Variants in MYRIP observed in about 807,000 individuals in gnomAD.
MYRIP encodes the protein rab effector MyRIP.
MYRIP carries 49 observed loss-of-function variants against 98.0 expected under a neutral mutation model. That is an observed-to-expected ratio of 0.50 (90% CI 0.40 to 0.63). The LOEUF (loss-of-function observed/expected upper bound fraction) is 0.63, where lower values mean the gene tolerates loss of function less well. Among genes scored for constraint, MYRIP ranks in the 30% least tolerant of loss-of-function variants. The pLI, the probability that MYRIP is intolerant of heterozygous loss-of-function variation, is 0.00. For missense variants in MYRIP, 1,004 were observed against 1,058.2 expected, an observed-to-expected ratio of 0.95 and a Z score of 0.71; for synonymous variants, 404 against 409.5, an observed-to-expected ratio of 0.99 and a Z score of 0.16.
chr3:39,925,988 C>A (rs1944415479), intron 2 of MYRIP, among the ~76,000 whole-genome samples: 2 of 152,106 alleles, frequency 1.3e-5, no homozygotes, highest in Non-Finnish European at 2.9e-5. Flanking sequence ...ACCTCACCAA[C>A]ACCTGTTATT....
intron 3 of MYRIP, among the ~76,000 whole-genome samples, chr3:40,074,908 T>C (rs1948311553): frequency 6.6e-6 from 1 of 152,150 alleles, no homozygotes; most frequent in African/African-American, 2.4e-5. Context: ...ATTAAGACTC[T>C]TTTCCATTGC....
chr3:40,087,993 G>T (rs1012702271), intron 3 of MYRIP, among the ~76,000 whole-genome samples: 1 of 152,168 alleles, frequency 6.6e-6, no homozygotes, highest in African/African-American at 2.4e-5. Context: ...AGGAGAGGGA[G>T]CAAGACCCAG....
chr3:40,229,111 CT>C (rs1457262354), intron 11 of MYRIP, among the ~76,000 whole-genome samples: 1 of 152,202 alleles, frequency 6.6e-6, no homozygotes, highest in Non-Finnish European at 1.5e-5. Context: ...GATATAGCTA[CT>C]GTTTAGAATG....
intron 1 of MYRIP, among the ~76,000 whole-genome samples, chr3:39,838,191 AC>A (rs145139895): frequency 0.23 from 35,189 of 152,042 alleles, 4,667 homozygotes; most frequent in Non-Finnish European, 0.3. Context: ...CTATTTGAAT[AC>A]CCTTTATTTC....
intron 4 of MYRIP, among the ~76,000 whole-genome samples, chr3:40,161,388 G>A (rs1269420402): frequency 6.6e-6 from 1 of 152,122 alleles, no homozygotes; most frequent in African/African-American, 2.4e-5. Flanking sequence ...CATCTCCCCT[G>A]TCCTTATGTT....
intron 3 of MYRIP, among the ~76,000 whole-genome samples, chr3:40,150,586 T>C (rs1031184664): frequency 6.6e-6 from 1 of 152,246 alleles, no homozygotes; most frequent in African/African-American, 2.4e-5. Flanking sequence ...TTAAATGCCC[T>C]GAAACTTCAT....
chr3:39,883,279 C>T (rs1157180800), intron 1 of MYRIP, among the ~76,000 whole-genome samples: 2 of 152,208 alleles, frequency 1.3e-5, no homozygotes, highest in Non-Finnish European at 2.9e-5. Flanking sequence ...GCAGGAACTG[C>T]AGCTTAGCTT....
rs994419953 is a variant in MYRIP at position 39,927,176 on chromosome 3, G to A, written c.110+26250G>A. On this transcript the variant is annotated intron_variant, in intron 2 of 16. Transcript: ENST00000302541. ...TTACTGATTTTTGTGCGTTGATTTT[G>A]TATCCTGAAACTTTCCTGAACTTAT... Among the ~76,000 whole-genome samples, 6 of 152,104 alleles carry A rather than the reference G, an allele frequency of 3.9e-5. No homozygotes were observed. In the East Asian group the frequency reaches 1.2e-3, roughly 29 times the overall value.
At chr3:40,017,460 G>A (rs1416140517) in intron 2 of MYRIP, among the ~76,000 whole-genome samples, 2 of 152,148 alleles carry the variant, frequency 1.3e-5, no homozygotes, top group African/African-American at 2.4e-5. Flanking sequence ...CCTGTTAGTA[G>A]ACAAGTCAGT....
At chr3:40,211,457 A>C (rs1204887112) in intron 11 of MYRIP, among the ~76,000 whole-genome samples, 2 of 152,086 alleles carry the variant, frequency 1.3e-5, no homozygotes, top group Non-Finnish European at 2.9e-5. Flanking sequence ...CCCACCCTCC[A>C]TAACCATCAA....
intron 3 of MYRIP, among the ~76,000 whole-genome samples, chr3:40,073,518 T>C (rs1948273984): frequency 6.6e-6 from 1 of 152,252 alleles, no homozygotes; most frequent in African/African-American, 2.4e-5. Flanking sequence ...TTGATGCGCA[T>C]GCTGCGGGGC....
At chr3:40,235,884 G>T (rs1054840961) in intron 12 of MYRIP, among the ~76,000 whole-genome samples, 1 of 152,224 alleles carries the variant, frequency 6.6e-6, no homozygotes, top group African/African-American at 2.4e-5. Context: ...AACACTATCA[G>T]CCAAGTCAGC....
chr3:40,249,525 A>T (rs1317220982), intron 13 of MYRIP, among the ~76,000 whole-genome samples: 2 of 152,212 alleles, frequency 1.3e-5, no homozygotes, highest in African/African-American at 2.4e-5. Flanking sequence ...CTGGCACATA[A>T]TAATGCCCTT....
intron 4 of MYRIP, among the ~76,000 whole-genome samples, chr3:40,158,140 T>C (rs970218809): frequency 5.3e-5 from 8 of 152,204 alleles, no homozygotes; most frequent in African/African-American, 1.9e-4. Context: ...TTTAGTGCTA[T>C]AAATTTCCCT....
intron 3 of MYRIP, among the ~76,000 whole-genome samples, chr3:40,053,630 G>T (rs1947832647): frequency 6.6e-6 from 1 of 152,010 alleles, no homozygotes; most frequent in Admixed American, 6.6e-5. Context: ...AACTTGGAAT[G>T]ATTATGTGGT....
intron 1 of MYRIP, among the ~76,000 whole-genome samples, chr3:39,819,885 T>C (rs754323578): frequency 6.6e-6 from 1 of 152,234 alleles, no homozygotes; most frequent in South Asian, 2.1e-4. Context: ...ATTCAATCAT[T>C]ATCTTCCCTA....
At chr3:40,051,283 C>G (rs1320787632) in intron 3 of MYRIP, among the ~76,000 whole-genome samples, 1 of 152,084 alleles carries the variant, frequency 6.6e-6, no homozygotes, top group Non-Finnish European at 1.5e-5. Flanking sequence ...CATCCACCAC[C>G]CTGATCAGTT....
chr3:39,816,610 C>T (rs142457043), intron 1 of MYRIP, among the ~76,000 whole-genome samples: 435 of 152,182 alleles, frequency 2.9e-3, no homozygotes, highest in Non-Finnish European at 4.6e-3. Context: ...TATCAAAGAG[C>T]GTTGATTTGG....
At chr3:39,989,979 A>G (rs553295397) in intron 2 of MYRIP, among the ~76,000 whole-genome samples, 80 of 152,296 alleles carry the variant, frequency 5.3e-4, no homozygotes, top group African/African-American at 1.9e-3. Flanking sequence ...CCGTCCCCCA[A>G]GGAGTCCAAA....
Sources: gnomAD v4.1 joint callset for allele counts (sites outside exome capture counted in the v4.1 genomes callset) on GRCh38, gnomAD v4.1.1 for gene constraint, MANE v1.5 for transcripts, NCBI Gene and HGNC (gene_info 2026-07-23, HGNC 2026-07-21) for gene names.